Variants in PCDH15 observed in about 807,000 individuals in gnomAD.
The protein encoded by PCDH15 is protocadherin related 15.
In PCDH15, 129 loss-of-function variants were observed where a neutral mutation model predicts 178.5. That is an observed-to-expected ratio of 0.72 (90% CI 0.63 to 0.84). PCDH15 has a LOEUF of 0.84. Ranked by LOEUF, PCDH15 falls within the 40% of genes least tolerant of loss-of-function variation. The pLI, the probability that PCDH15 is intolerant of heterozygous loss-of-function variation, is 0.00. For missense variants in PCDH15, 2,230 were observed against 2,099.9 expected, an observed-to-expected ratio of 1.06 and a Z score of -1.21; for synonymous variants, 800 against 732.0, an observed-to-expected ratio of 1.09 and a Z score of -1.50.
chr10:55,453,376 G>C (rs142976458), intron 2 of PCDH15, among the ~76,000 whole-genome samples: 87 of 152,246 alleles, frequency 5.7e-4, no homozygotes, highest in Middle Eastern at 3.4e-3. Flanking sequence ...TGCATGTTTA[G>C]GTTTTGTAAT....
intron 3 of PCDH15, among the ~76,000 whole-genome samples, chr10:54,891,255 C>A (rs1257566278): frequency 2.6e-5 from 4 of 151,982 alleles, no homozygotes; most frequent in Non-Finnish European, 5.9e-5. Flanking sequence ...AGAGGAAATG[C>A]TGAGAGAAAA....
At chr10:54,376,573 T>C (rs966473171) in intron 4 of PCDH15, among the ~76,000 whole-genome samples, 39 of 151,552 alleles carry the variant, frequency 2.6e-4, no homozygotes, top group African/African-American at 9.2e-4. Context: ...GTAGAAAATA[T>C]TAACTAGGAT....
At chr10:55,157,202 A>C (rs10825478) in intron 2 of PCDH15, among the ~76,000 whole-genome samples, 81,851 of 151,786 alleles carry the variant, frequency 0.54, 23,805 homozygotes, top group Non-Finnish European at 0.65. Context: ...ACACATGAAA[A>C]AATGCTCATC....
chr10:54,888,133 G>A (rs1591764187), intron 3 of PCDH15, among the ~76,000 whole-genome samples: 2 of 152,194 alleles, frequency 1.3e-5, no homozygotes, highest in African/African-American at 4.8e-5. Context: ...TCAAGATAAA[G>A]GACGTATGTA....
intron 2 of PCDH15, among the ~76,000 whole-genome samples, chr10:55,359,885 G>A (rs2131977192): frequency 6.6e-6 from 1 of 151,430 alleles, no homozygotes; most frequent in East Asian, 1.9e-4. Flanking sequence ...AATAAGCCAG[G>A]CACACAAAGA....
intron 1 of PCDH15, among the ~76,000 whole-genome samples, chr10:55,284,929 G>T (rs770361751): frequency 6.6e-6 from 1 of 151,606 alleles, no homozygotes; most frequent in African/African-American, 2.4e-5. Flanking sequence ...ATAAAGAAAA[G>T]AAATAGTCAA....
At chr10:54,378,548 G>T (rs1374791814) in intron 4 of PCDH15, among the ~76,000 whole-genome samples, 1 of 151,864 alleles carries the variant, frequency 6.6e-6, no homozygotes, top group African/African-American at 2.4e-5. Flanking sequence ...TTTTCTTCTT[G>T]TTCAGAAATT....
intron 7 of PCDH15, among the ~76,000 whole-genome samples, chr10:54,328,855 C>A (rs1248635624): frequency 6.6e-6 from 1 of 151,778 alleles, no homozygotes; most frequent in Non-Finnish European, 1.5e-5. Flanking sequence ...ACTGTCAAAC[C>A]AAACATTGAG....
At chr10:54,055,803 T>C (rs1005299292) in intron 18 of PCDH15, among the ~76,000 whole-genome samples, 1 of 152,022 alleles carries the variant, frequency 6.6e-6, no homozygotes, top group Non-Finnish European at 1.5e-5. Flanking sequence ...AAAGAAGTTT[T>C]TCTCATGATC....
chr10:54,623,642 G>A (rs2093456976), intron 2 of PCDH15, among the ~76,000 whole-genome samples: 1 of 152,076 alleles, frequency 6.6e-6, no homozygotes, highest in South Asian at 2.1e-4. Context: ...TTCAAGCCGA[G>A]TCTCTTCTGG....
intron 3 of PCDH15, among the ~76,000 whole-genome samples, chr10:54,883,334 A>T (rs749056866): frequency 1.1e-4 from 16 of 152,088 alleles, no homozygotes; most frequent in Admixed American, 1.0e-3. Flanking sequence ...ATAAGTATAC[A>T]TTGTATGGCT....
intron 13 of PCDH15, 79 bp from the exon 14 acceptor site, chr10:54,153,372 A>G: frequency 6.7e-7 from 1 of 1,497,336 alleles, no homozygotes; most frequent in Non-Finnish European, 9.3e-7. Context: ...CCAACAAAAG[A>G]AGCTTGCTTT....
At chr10:54,228,805 T>G (rs1485940308) in intron 9 of PCDH15, among the ~76,000 whole-genome samples, 1 of 152,178 alleles carries the variant, frequency 6.6e-6, no homozygotes, top group Non-Finnish European at 1.5e-5. Flanking sequence ...AGTCTTCTGA[T>G]TCAAATATTA....
At chr10:54,418,647 C>A (rs1426330083) in intron 3 of PCDH15, among the ~76,000 whole-genome samples, 1 of 151,524 alleles carries the variant, frequency 6.6e-6, no homozygotes, top group Non-Finnish European at 1.5e-5. Flanking sequence ...TTATATTAGT[C>A]AAAAAATCTA....
intron 3 of PCDH15, among the ~76,000 whole-genome samples, chr10:54,514,562 C>T (rs142779882): frequency 5.7e-4 from 81 of 142,578 alleles, no homozygotes; most frequent in African/African-American, 2.1e-3. Flanking sequence ...AAAGTATGAA[C>T]AAGTATGAAT....
At chr10:54,127,284 C>T (rs553407732) in intron 15 of PCDH15, among the ~76,000 whole-genome samples, 1 of 152,224 alleles carries the variant, frequency 6.6e-6, no homozygotes, top group South Asian at 2.1e-4. Flanking sequence ...CCCATGTATA[C>T]ATTTGTTATC....
chr10:54,560,115 G>T (rs1027502698), intron 2 of PCDH15, among the ~76,000 whole-genome samples: 2 of 152,022 alleles, frequency 1.3e-5, no homozygotes, highest in African/African-American at 4.8e-5. Context: ...GATTCATCAT[G>T]TGAACCTGTT....
chr10:54,046,046 T>C (rs2093648456), intron 18 of PCDH15, among the ~76,000 whole-genome samples: 1 of 152,100 alleles, frequency 6.6e-6, no homozygotes, highest in Non-Finnish European at 1.5e-5. Context: ...CAAATAGGCA[T>C]TTCGGAAAAG....
intron 20 of PCDH15, among the ~76,000 whole-genome samples, chr10:54,011,974 T>C (rs1457924968): frequency 6.6e-6 from 1 of 152,096 alleles, no homozygotes; most frequent in African/African-American, 2.4e-5. Flanking sequence ...ATTCAGAATA[T>C]GGGTAGGAAT....
Sources: gnomAD v4.1 joint callset for allele counts (sites outside exome capture counted in the v4.1 genomes callset) on GRCh38, gnomAD v4.1.1 for gene constraint, MANE v1.5 for transcripts, NCBI Gene and HGNC (gene_info 2026-07-23, HGNC 2026-07-21) for gene names.